RIT2: variants seen among roughly 807,000 people sequenced by gnomAD.
The protein encoded by RIT2 is Ras like without CAAX 2.
RIT2 carries 24 observed loss-of-function variants against 23.7 expected under a neutral mutation model. The observed-to-expected ratio is 1.01, with a 90% CI of 0.73 to 1.43. RIT2 has a LOEUF of 1.43. RIT2 is among the 40% of genes most tolerant of loss of function. The pLI is 0.00. For missense variants in RIT2, 236 were observed against 266.9 expected (o/e 0.88, Z 0.81); for synonymous variants, 107 against 91.1 (o/e 1.17, Z -0.99).
At chr18:43,011,455 T>C (rs1005709584) in intron 2 of RIT2, among the ~76,000 whole-genome samples, 20 of 151,824 alleles carry the variant, frequency 1.3e-4, no homozygotes, top group African/African-American at 4.8e-4. Flanking sequence ...ATTTTGGGCA[T>C]GGATTGCACA....
rs1905815312 is a variant in RIT2 at position 42,810,291 on chromosome 18, A to G, written c.427-66571T>C. On this transcript the variant is annotated intron_variant, in intron 4 of 4. Transcript: ENST00000326695. ...TCAAAACTAATAACCCACAGAAAAG[A>G]AATCATTGCTTGCCTTTATAGTACA... is the stretch of plus-strand genomic sequence containing the variant. 2.0e-5 allele frequency among the ~76,000 whole-genome samples: 3 copies of G among 151,724 alleles called. No homozygotes were observed. In the South Asian group the frequency reaches 6.2e-4, roughly 31 times the overall value.
At chr18:42,846,877 T>A (rs1906923707) in intron 4 of RIT2, among the ~76,000 whole-genome samples, 1 of 152,150 alleles carries the variant, frequency 6.6e-6, no homozygotes, top group African/African-American at 2.4e-5. Flanking sequence ...ATGTCATGAA[T>A]AGCCACTGAT....
At chr18:42,948,979 CAACT>C in intron 3 of RIT2, 1 of 397,638 alleles carries the variant, frequency 2.5e-6, no homozygotes, top group Non-Finnish European at 4.4e-6. Context: ...ATTGGTTTTT[CAACT>C]TACTTTTCAG....
At chr18:43,086,463 C>A (rs913453653) in intron 1 of RIT2, among the ~76,000 whole-genome samples, 2 of 152,094 alleles carry the variant, frequency 1.3e-5, no homozygotes, top group Admixed American at 1.3e-4. Flanking sequence ...AGAAACAGTG[C>A]TTTTAGAGGG....
chr18:42,761,078 C>A (rs1273250030), intron 4 of RIT2, among the ~76,000 whole-genome samples: 2 of 152,190 alleles, frequency 1.3e-5, no homozygotes, highest in African/African-American at 4.8e-5. Flanking sequence ...TCAATGCAGG[C>A]TAGAGTCACT....
At chr18:43,086,143 G>A (rs1913277465) in intron 1 of RIT2, among the ~76,000 whole-genome samples, 1 of 151,950 alleles carries the variant, frequency 6.6e-6, no homozygotes, top group Admixed American at 6.6e-5. Flanking sequence ...ATTATTCTTG[G>A]CTCAACATTC....
chr18:42,909,340 G>A (rs567188892), intron 4 of RIT2, among the ~76,000 whole-genome samples: 7 of 152,136 alleles, frequency 4.6e-5, no homozygotes, highest in African/African-American at 1.7e-4. Context: ...TTAGGAGTAG[G>A]GTGAGGAATA....
chr18:42,778,743 C>A (rs927396189), intron 4 of RIT2, among the ~76,000 whole-genome samples: 1 of 152,154 alleles, frequency 6.6e-6, no homozygotes, highest in Non-Finnish European at 1.5e-5. Context: ...TTCCAAATGT[C>A]TATATCCGAA....
At chr18:42,990,400 C>G (rs1432914019) in intron 2 of RIT2, among the ~76,000 whole-genome samples, 1 of 152,152 alleles carries the variant, frequency 6.6e-6, no homozygotes, top group Admixed American at 6.5e-5. Flanking sequence ...AGGATAACGG[C>G]TGACCAAATG....
intron 1 of RIT2, among the ~76,000 whole-genome samples, chr18:43,098,601 A>C (rs1913609333): frequency 6.6e-6 from 1 of 152,006 alleles, no homozygotes; most frequent in South Asian, 2.1e-4. Context: ...CATAATAGTT[A>C]CAATAACAAT....
chr18:42,923,133 C>T (rs1170814596), intron 4 of RIT2, among the ~76,000 whole-genome samples: 1 of 152,042 alleles, frequency 6.6e-6, no homozygotes, highest in Non-Finnish European at 1.5e-5. Context: ...AGTGGCTTTG[C>T]CCACATGTGT....
chr18:43,102,908 C>T (rs1913722241), intron 1 of RIT2, among the ~76,000 whole-genome samples: 1 of 152,146 alleles, frequency 6.6e-6, no homozygotes, highest in Non-Finnish European at 1.5e-5. Flanking sequence ...CCCACCTCGG[C>T]CTCCCAAAGC....
intron 4 of RIT2, among the ~76,000 whole-genome samples, chr18:42,789,987 T>C (rs750383399): frequency 1.3e-5 from 2 of 152,212 alleles, no homozygotes; most frequent in Admixed American, 6.5e-5. Flanking sequence ...ATTGTTTCGA[T>C]GTATATTCCT....
At position 42,949,149 on chromosome 18, in the gene RIT2, A is replaced by T. The variant is rs956998586; in HGVS notation, c.234+24925T>A. The T allele has an allele frequency of 1.8e-5, 7 of 395,842 alleles. No homozygotes were observed. The South Asian group carries it at 9.2e-4, about 52-fold the overall frequency. The allele number at this position is 395,842 out of a possible 1,614,324, so 24.5% of individuals were successfully genotyped here. ...AGACCATGGCTTCCAAGCCAAAAAG[A>T]TCTGAACTATACCACATATCTTCCT... On this transcript the variant is annotated intron_variant, in intron 3 of 4. Coordinates refer to ENST00000326695, the MANE Select transcript of RIT2 (RefSeq NM_002930.4).
At chr18:43,053,859 C>A (rs181899887) in intron 1 of RIT2, among the ~76,000 whole-genome samples, 1 of 152,108 alleles carries the variant, frequency 6.6e-6, no homozygotes. Context: ...GATCTTATAT[C>A]CATTTAACAG....
chr18:42,947,544 G>A (rs986689813), intron 3 of RIT2, among the ~76,000 whole-genome samples: 1 of 152,068 alleles, frequency 6.6e-6, no homozygotes, highest in South Asian at 2.1e-4. Context: ...ATATTAGAGG[G>A]AGCAAGCCTT....
intron 4 of RIT2, among the ~76,000 whole-genome samples, chr18:42,863,521 C>T (rs1374654983): frequency 6.6e-6 from 1 of 152,046 alleles, no homozygotes; most frequent in Non-Finnish European, 1.5e-5. Flanking sequence ...CTGTAGTTCA[C>T]TAAAGAAAAA....
chr18:42,903,541 AT>A, intron 4 of RIT2, among the ~76,000 whole-genome samples: 1 of 152,122 alleles, frequency 6.6e-6, no homozygotes, highest in East Asian at 1.9e-4. Context: ...TTTTTATGCT[AT>A]TTAGATGAAT....
chr18:42,996,787 T>C (rs1444076832), intron 2 of RIT2, among the ~76,000 whole-genome samples: 2 of 152,098 alleles, frequency 1.3e-5, no homozygotes, highest in African/African-American at 4.8e-5. Context: ...TGTTTGGTGG[T>C]CTCTTCACAT....
Sources: allele counts gnomAD v4.1 joint callset (sites outside exome capture counted in the v4.1 genomes callset), GRCh38; gene constraint gnomAD v4.1.1; transcripts MANE v1.5; gene names NCBI Gene and HGNC (gene_info 2026-07-23, HGNC 2026-07-21).